The following SHLD1 variants were observed in gnomAD, a reference collection of about 807,000 sequenced individuals.
SHLD1 encodes the protein shieldin complex subunit 1.
A neutral mutation model predicts 5.5 loss-of-function variants in SHLD1; 3 were observed. The observed-to-expected ratio is 0.54, with a 90% CI of 0.25 to 1.40. The LOEUF is 1.40. Ranked by LOEUF, SHLD1 falls within the 40% of genes most tolerant of loss-of-function variation. SHLD1 has a pLI of 0.15. For missense variants in SHLD1, 210 were observed against 244.4 expected (o/e 0.86, Z 0.94); for synonymous variants, 92 against 94.3 (o/e 0.98, Z 0.14).
At chr20:5,755,827 G>A (rs1364578397) in intron 1 of SHLD1, among the ~76,000 whole-genome samples, 1 of 152,158 alleles carries the variant, frequency 6.6e-6, no homozygotes, top group African/African-American at 2.4e-5. Flanking sequence ...CTGGAGTGCT[G>A]GGATTACAGG....
At chr20:5,841,375 T>A (rs1020319358) in intron 2 of SHLD1, among the ~76,000 whole-genome samples, 2 of 152,096 alleles carry the variant, frequency 1.3e-5, no homozygotes, top group Non-Finnish European at 2.9e-5. Context: ...CATGAAAGAT[T>A]TATTGTGTGC....
Position 5,863,433 on chromosome 20 carries a change from C to A in SHLD1, c.588C>A (p.Leu196=), listed in dbSNP as rs2088190877. 6.2e-7 allele frequency: 1 copy of A among 1,608,702 alleles called. No individual in the cohort carries two copies. Among genetic ancestry groups the A allele is most frequent in the Non-Finnish European group, 8.5e-7 (1 of 1,177,554 alleles). Residue 196 remains leucine (L), a synonymous_variant, in exon 3 of 3, where the codon CTC becomes CTA. Transcript: ENST00000303142. ...TGTCAAAGGATATTACTCATTTCCT[C>A]TTGCAGCAGAATGTAATGAAAGACC... The part of the protein sequence containing the change: ...PGLSKDITHF[L]LQQNVMKDL
At chr20:5,844,539 C>T (rs186027459) in intron 2 of SHLD1, among the ~76,000 whole-genome samples, 122 of 152,136 alleles carry the variant, frequency 8.0e-4, no homozygotes, top group African/African-American at 2.9e-3. Flanking sequence ...TGTTTCTGCC[C>T]ACACTAGGAT....
intron 2 of SHLD1, among the ~76,000 whole-genome samples, chr20:5,781,824 T>C (rs550553430): frequency 1.3e-5 from 2 of 152,328 alleles, no homozygotes; most frequent in East Asian, 3.9e-4. Context: ...AAAAAGCTCC[T>C]CTGCCTTGTT....
At chr20:5,834,681 G>A (rs992225337) in intron 2 of SHLD1, among the ~76,000 whole-genome samples, 1 of 152,160 alleles carries the variant, frequency 6.6e-6, no homozygotes, top group Non-Finnish European at 1.5e-5. Context: ...TCTGTTTGAT[G>A]TTTTTCACCC....
At chr20:5,848,408 A>G (rs897852192) in intron 2 of SHLD1, among the ~76,000 whole-genome samples, 30 of 152,194 alleles carry the variant, frequency 2.0e-4, no homozygotes, top group African/African-American at 7.2e-4. Flanking sequence ...GATGCCAGCT[A>G]CTAGGGTGGC....
intron 2 of SHLD1, among the ~76,000 whole-genome samples, chr20:5,844,982 G>C (rs1477991465): frequency 1.3e-5 from 2 of 151,528 alleles, no homozygotes; most frequent in Non-Finnish European, 2.9e-5. Context: ...ATTTTTAGTA[G>C]AGATGGGGTT....
intron 1 of SHLD1, among the ~76,000 whole-genome samples, chr20:5,750,848 C>A (rs564070932): frequency 1.3e-5 from 2 of 151,996 alleles, no homozygotes; most frequent in South Asian, 4.2e-4. Context: ...AAAAAAAAAT[C>A]AAGCCTAGCA....
At chr20:5,859,507 G>A (rs2088132666) in intron 2 of SHLD1, among the ~76,000 whole-genome samples, 1 of 152,192 alleles carries the variant, frequency 6.6e-6, no homozygotes, top group Non-Finnish European at 1.5e-5. Context: ...GGTGGGGTTT[G>A]AACGTAACTG....
At chr20:5,775,958 C>T (rs1028321705) in intron 2 of SHLD1, among the ~76,000 whole-genome samples, 5 of 55,506 alleles carry the variant, frequency 9.0e-5, no homozygotes, top group South Asian at 4.9e-4. Flanking sequence ...GATGGAGTCT[C>T]GCTCTGTCAC....
At chr20:5,766,103 C>T (rs1447878125) in intron 1 of SHLD1, among the ~76,000 whole-genome samples, 2 of 152,152 alleles carry the variant, frequency 1.3e-5, no homozygotes, top group African/African-American at 2.4e-5. Flanking sequence ...CCTTTGCAGG[C>T]AGGCAGGATA....
At chr20:5,764,160 A>ATATTTATATATTT (rs1984668185) in intron 1 of SHLD1, among the ~76,000 whole-genome samples, 1 of 63,308 alleles carries the variant, frequency 1.6e-5, no homozygotes, top group Non-Finnish European at 3.3e-5. Context: ...ATTTATATTT[A>ATATTTATATATTT]TATATATATA....
At chr20:5,819,356 C>T (rs1283711565) in intron 2 of SHLD1, among the ~76,000 whole-genome samples, 1 of 152,224 alleles carries the variant, frequency 6.6e-6, no homozygotes, top group Non-Finnish European at 1.5e-5. Context: ...TGTGACCACA[C>T]TCTTACCCTT....
At chr20:5,841,743 G>C (rs1459201536) in intron 2 of SHLD1, among the ~76,000 whole-genome samples, 1 of 152,156 alleles carries the variant, frequency 6.6e-6, no homozygotes, top group Non-Finnish European at 1.5e-5. Flanking sequence ...AGCTTAAACA[G>C]CTTCTTTCTC....
rs558180739 is a variant in SHLD1 at position 5,855,186 on chromosome 20, A to G, written c.179-7838A>G. Among the ~76,000 whole-genome samples, 4 of 151,942 alleles carry G rather than the reference A, an allele frequency of 2.6e-5. No individual in the cohort carries two copies. Among genetic ancestry groups the G allele is most frequent in the Non-Finnish European group, 4.4e-5 (3 of 67,974 alleles). On this transcript the variant is annotated intron_variant, in intron 2 of 2. Coordinates refer to ENST00000303142, the MANE Select transcript of SHLD1 (RefSeq NM_152504.4). The surrounding 1 kb of genome is among the most constrained non-coding windows in gnomAD (Gnocchi z 4.4). ...AGCCATAGCACCCAACCCTGTCTCT[A>G]TAAATCTGACCACTTTAGGTACCTC...
chr20:5,820,059 C>T (rs532891131), intron 2 of SHLD1, among the ~76,000 whole-genome samples: 12 of 152,284 alleles, frequency 7.9e-5, no homozygotes, highest in Admixed American at 1.3e-4. Flanking sequence ...GTGATTATCC[C>T]GCCTCAGCCT....
At chr20:5,813,846 A>G (rs1309391924) in intron 2 of SHLD1, among the ~76,000 whole-genome samples, 1 of 152,050 alleles carries the variant, frequency 6.6e-6, no homozygotes, top group Admixed American at 6.6e-5. Context: ...TATTTCCTCC[A>G]TTTATAGAGC....
At chr20:5,808,881 G>T (rs1192142994) in intron 2 of SHLD1, among the ~76,000 whole-genome samples, 2 of 152,236 alleles carry the variant, frequency 1.3e-5, no homozygotes, top group East Asian at 3.8e-4. Flanking sequence ...TGGTGAAAGT[G>T]TTACAGAAGC....
chr20:5,785,305 A>G (rs796548870), intron 2 of SHLD1, among the ~76,000 whole-genome samples: 23 of 152,298 alleles, frequency 1.5e-4, no homozygotes, highest in African/African-American at 5.5e-4. Context: ...TGATTCTCAC[A>G]GCCACACCCA....
Sources: allele counts gnomAD v4.1 joint callset (sites outside exome capture counted in the v4.1 genomes callset), GRCh38; gene constraint gnomAD v4.1.1; non-coding constraint Gnocchi (gnomAD v3.1); transcripts MANE v1.5; gene names NCBI Gene and HGNC (gene_info 2026-07-23, HGNC 2026-07-21).